The following MED17 variants were observed in gnomAD, a reference collection of about 807,000 sequenced individuals.
MED17 encodes the protein mediator complex subunit 17.
A neutral mutation model predicts 80.8 loss-of-function variants in MED17; 49 were observed. The observed-to-expected ratio is 0.61, with a 90% CI of 0.48 to 0.77. MED17 has a LOEUF of 0.77. Among genes scored for constraint, MED17 ranks in the 30% least tolerant of loss-of-function variants. MED17 has a pLI of 0.00. For missense variants in MED17, 718 were observed against 787.0 expected (o/e 0.91, Z 1.05); for synonymous variants, 281 against 280.4 (o/e 1.00, Z -0.02).
chr11:93,799,619 A>G (rs1031741027), intron 8 of MED17, among the ~76,000 whole-genome samples: 3 of 152,112 alleles, frequency 2.0e-5, no homozygotes, highest in African/African-American at 7.2e-5. Context: ...ACAAAAAAAT[A>G]AAAAAAATTA....
chr11:93,811,541 G>T, intron 11 of MED17: 1 of 342,378 alleles, frequency 2.9e-6, no homozygotes, highest in Non-Finnish European at 5.4e-6. Flanking sequence ...GTTTTTCAGT[G>T]CTGCATGTGG....
intron 1 of MED17, among the ~76,000 whole-genome samples, chr11:93,786,394 A>G (rs970701042): frequency 6.6e-6 from 1 of 152,224 alleles, no homozygotes; most frequent in Non-Finnish European, 1.5e-5. Context: ...TAGGAATGTG[A>G]ACTGGTAGTG....
chr11:93,810,091 C>T (rs769337852), intron 11 of MED17: 4 of 544,498 alleles, frequency 7.3e-6, no homozygotes, highest in Non-Finnish European at 9.8e-6. Flanking sequence ...AGATTGGCAG[C>T]ACATTTTCCT....
At chr11:93,796,876 A>G (rs748649217) in intron 7 of MED17, 48 of 338,284 alleles carry the variant, frequency 1.4e-4, no homozygotes, top group Non-Finnish European at 2.2e-4. Flanking sequence ...GTTTTATTTT[A>G]GGACATGTTC....
chr11:93,800,243 T>C (rs1391752132), intron 8 of MED17, among the ~76,000 whole-genome samples: 1 of 152,194 alleles, frequency 6.6e-6, no homozygotes, highest in African/African-American at 2.4e-5. Context: ...ACCCTAAGTC[T>C]ATTAATGTAA....
rs767398887 is a variant in MED17 at position 93,801,929 on chromosome 11, G to T, written c.1423G>T (p.Val475Leu). 14 of 1,612,892 alleles carry T rather than the reference G, an allele frequency of 8.7e-6. No individual in the cohort carries two copies. The highest frequency in any genetic ancestry group is 1.7e-6 in the Non-Finnish European group (2 of 1,179,728). Reference sequence around the variant, plus strand: ...TATCAATGATGTTTATGAATCTAGTGTGAAAGTTTTAATCACATCACAAGG... The same window carrying T: ...TATCAATGATGTTTATGAATCTAGTTTGAAAGTTTTAATCACATCACAAGG... ...SNINDVYESS[V>L]KVLITSQGYE... The change falls in exon 9 of 12, where the codon GTG becomes TTG. Residue 475 changes from valine to leucine, a missense_variant. Coordinates refer to ENST00000251871, the MANE Select transcript of MED17 (RefSeq NM_004268.5).
intron 6 of MED17, 135 bp from the exon 7 acceptor site, chr11:93,796,275 G>A (rs750667380): frequency 1.0e-5 from 9 of 894,016 alleles, no homozygotes; most frequent in Non-Finnish European, 1.6e-5. Flanking sequence ...ATATACAGAT[G>A]TTAATCATGA....
intron 9 of MED17, among the ~76,000 whole-genome samples, chr11:93,803,980 T>C (rs3016286): frequency 0.98 from 139,071 of 141,872 alleles, 68,227 homozygotes; most frequent in East Asian, 1. Flanking sequence ...TATGTGTGTG[T>C]GTGTGTATAT....
chr11:93,813,233 T>C lies in MED17; in HGVS notation c.*1169T>C, dbSNP rs1944101976. ...AGGCTTTCAATTTTTAAAACAGACATCCTGCTTTAACAATTTGTAAGATGA... is the reference window on the plus strand; with the variant it reads ...AGGCTTTCAATTTTTAAAACAGACACCCTGCTTTAACAATTTGTAAGATGA... On this transcript the variant is annotated 3_prime_UTR_variant, in exon 12 of 12. Transcript: ENST00000251871. The C allele has an allele frequency of 1.3e-5, 2 of 152,190 alleles. No homozygotes were observed. The highest frequency in any genetic ancestry group is 4.8e-5 in the African/African-American group (2 of 41,450). 9.4% of individuals were successfully genotyped at this position (152,190 alleles called of 1,614,324 possible).
chr11:93,807,297 C>G, intron 9 of MED17: 1 of 458,612 alleles, frequency 2.2e-6, no homozygotes. Flanking sequence ...CCTGTAATCC[C>G]AGCTACTTGG....
chr11:93,800,786 G>C (rs1006695976), intron 8 of MED17: 1 of 152,122 alleles, frequency 6.6e-6, no homozygotes, highest in Admixed American at 6.6e-5. Context: ...ACTCGTGCAC[G>C]CCACTGTGCC....
chr11:93,807,324 ACT>A (rs1292099997), intron 9 of MED17, 192 bp from the exon 10 acceptor site: 3 of 509,656 alleles, frequency 5.9e-6, no homozygotes, highest in Admixed American at 3.3e-5. Context: ...GAGGCAGGAG[ACT>A]CTCTTGAACT....
At chr11:93,790,832 T>G in intron 3 of MED17, 39 bp downstream of exon 3, 19 of 1,558,258 alleles carry the variant, frequency 1.2e-5, no homozygotes, top group Non-Finnish European at 1.7e-5. Flanking sequence ...TCTGGCCAGG[T>G]GTGGTGGCTC....
chr11:93,787,636 A>G (rs1319102032), intron 1 of MED17, among the ~76,000 whole-genome samples: 1 of 152,128 alleles, frequency 6.6e-6, no homozygotes, highest in African/African-American at 2.4e-5. Context: ...CTTACAGGTC[A>G]TTTTCATTTT....
At chr11:93,791,846 G>C (rs1018555676) in intron 3 of MED17, among the ~76,000 whole-genome samples, 1 of 152,156 alleles carries the variant, frequency 6.6e-6, no homozygotes, top group East Asian at 1.9e-4. Flanking sequence ...AATCTGCTCA[G>C]CTGTTTTTAT....
Position 93,795,439 on chromosome 11 carries a change from G to A in MED17, c.1012+379G>A, listed in dbSNP as rs116228739. On this transcript the variant is annotated intron_variant, in intron 6 of 11. Coordinates refer to ENST00000251871, the MANE Select transcript of MED17 (RefSeq NM_004268.5). ...CAATTTAAAAATGTTTACTCTTAAC[G>A]CCTGTCATCCCAGCACTATGGGAGG... 813 of 262,922 alleles carry A rather than the reference G, an allele frequency of 3.1e-3. 8 individuals are homozygous for A. Among genetic ancestry groups the A allele is most frequent in the African/African-American group, 0.017 (751 of 44,430 alleles). The allele number at this position is 262,922 out of a possible 1,614,324, so 16.3% of individuals were successfully genotyped here.
In MED17 at chr11:93,813,934, T is replaced by TG. The variant is rs1805460916; in HGVS notation, c.*1871dup. 6.6e-6 allele frequency: 1 copy of TG among 152,202 alleles called. No individual in the cohort carries two copies. 9.4% of individuals were successfully genotyped at this position (152,202 alleles called of 1,614,324 possible). A position where few individuals can be genotyped will look rare whatever the true frequency, so the allele number is the denominator to read the frequency against. The stretch of plus-strand genomic sequence containing the variant: ...TTTGCCATCTTGGCCAGGCTGGTCT[T>TG]GAACTCCTGGCCTCAATTGATCCGC... On this transcript the variant is annotated 3_prime_UTR_variant, in exon 12 of 12. Coordinates refer to ENST00000251871, the MANE Select transcript of MED17 (RefSeq NM_004268.5).
At position 93,801,864 on chromosome 11, in the gene MED17, G is replaced by A. The variant is rs771250985; in HGVS notation, c.1358G>A (p.Ser453Asn). The change falls in exon 9 of 12, where the codon AGC (serine) becomes AAC (asparagine). Residue 453 changes from serine to asparagine, a missense_variant. By Grantham distance (46) the Ser-to-Asn change is conservative. Transcript: ENST00000251871. The part of the protein sequence containing the change: ...RAAATIDSLA[S>N]RIEDPQIQAH... The stretch of plus-strand genomic sequence containing the variant: ...GCTGCAACCATTGACAGCTTAGCAA[G>A]CCGAATTGAGGATCCTCAGATACAG... 1 of 1,613,616 alleles carries A rather than the reference G, an allele frequency of 6.2e-7. No individual in the cohort carries two copies. Among genetic ancestry groups the A allele is most frequent in the Non-Finnish European group, 8.5e-7 (1 of 1,179,918 alleles).
At chr11:93,808,525 A>G (rs1944051882) in intron 10 of MED17, 1 of 150,960 alleles carries the variant, frequency 6.6e-6, no homozygotes, top group Admixed American at 6.6e-5. Context: ...CCAGTGAAAT[A>G]CTGAATTGTG....
Sources: allele counts gnomAD v4.1 joint callset (sites outside exome capture counted in the v4.1 genomes callset), GRCh38; gene constraint gnomAD v4.1.1; transcripts MANE v1.5; gene names NCBI Gene and HGNC (gene_info 2026-07-23, HGNC 2026-07-21).